Variants in BMP6 observed in about 807,000 individuals in gnomAD.
The protein encoded by BMP6 is VG-1-R.
BMP6 carries 17 observed loss-of-function variants against 54.1 expected under a neutral mutation model. The ratio of observed to expected loss-of-function variants is 0.31; its 90% CI spans 0.22 to 0.47. The LOEUF (loss-of-function observed/expected upper bound fraction) is 0.47. BMP6 is among the 20% of genes least tolerant of loss of function. The pLI is 1.00. For synonymous variants in BMP6, 328 were observed against 291.2 expected (o/e 1.13, Z -1.28); for missense variants, 720 against 690.4 (o/e 1.04, Z -0.48).
At chr6:7,810,392 T>C (rs974254385) in intron 1 of BMP6, among the ~76,000 whole-genome samples, 1 of 152,202 alleles carries the variant, frequency 6.6e-6, no homozygotes, top group Non-Finnish European at 1.5e-5. Flanking sequence ...TAATCTTAGC[T>C]CAAGTGACTT....
intron 1 of BMP6, among the ~76,000 whole-genome samples, chr6:7,807,913 C>CTTTT (rs755894743): frequency 1.7e-3 from 142 of 81,464 alleles, no homozygotes; most frequent in Non-Finnish European, 2.3e-3. Context: ...GAAGTCTTTA[C>CTTTT]TTTTTTTTTT....
chr6:7,835,411 T>C (rs1561786822), intron 1 of BMP6, among the ~76,000 whole-genome samples: 1 of 152,162 alleles, frequency 6.6e-6, no homozygotes, highest in Non-Finnish European at 1.5e-5. Context: ...GAATGCTGAG[T>C]CTGAAGGAAT....
chr6:7,838,941 C>CAAAA (rs778664842), intron 1 of BMP6, among the ~76,000 whole-genome samples: 8 of 59,102 alleles, frequency 1.4e-4, no homozygotes, highest in Admixed American at 3.5e-4. Context: ...GACTCTGTCT[C>CAAAA]AAAAAAAAAA....
intron 2 of BMP6, among the ~76,000 whole-genome samples, chr6:7,848,735 G>T (rs1215242079): frequency 6.6e-6 from 1 of 152,202 alleles, no homozygotes; most frequent in Non-Finnish European, 1.5e-5. Flanking sequence ...TTAAGCTTGA[G>T]TAACACATGA....
At chr6:7,850,179 G>C (rs1022253955) in intron 2 of BMP6, among the ~76,000 whole-genome samples, 18 of 152,138 alleles carry the variant, frequency 1.2e-4, no homozygotes, top group Non-Finnish European at 2.5e-4. Context: ...GTCTCGCTCT[G>C]TTGCCCATGC....
At chr6:7,731,715 T>C (rs1177657860) in intron 1 of BMP6, among the ~76,000 whole-genome samples, 1 of 152,274 alleles carries the variant, frequency 6.6e-6, no homozygotes, top group Non-Finnish European at 1.5e-5. Flanking sequence ...ATGTTTACAG[T>C]GAAGACATTT....
chr6:7,770,655 C>G (rs771272430), intron 1 of BMP6, among the ~76,000 whole-genome samples: 1 of 152,182 alleles, frequency 6.6e-6, no homozygotes, highest in African/African-American at 2.4e-5. Flanking sequence ...GTTTTCTGAA[C>G]CTTTTGATTC....
intron 4 of BMP6, 151 bp downstream of exon 4, chr6:7,862,649 C>G (rs889740315): frequency 1.9e-6 from 2 of 1,062,238 alleles, no homozygotes; most frequent in East Asian, 2.6e-5. Flanking sequence ...CTTGTACAGT[C>G]GCAGAACATC....
intron 2 of BMP6, among the ~76,000 whole-genome samples, chr6:7,848,054 T>C (rs1759091875): frequency 1.3e-5 from 2 of 152,188 alleles, no homozygotes; most frequent in African/African-American, 4.8e-5. Context: ...ACTGACTCCA[T>C]CTTGCTTCTA....
intron 1 of BMP6, among the ~76,000 whole-genome samples, chr6:7,777,557 G>A (rs1757879583): frequency 6.6e-6 from 1 of 152,072 alleles, no homozygotes; most frequent in South Asian, 2.1e-4. Context: ...AGAAGGAAGT[G>A]CCATGTTTCT....
chr6:7,731,351 CCTT>C (rs1226092579), intron 1 of BMP6, among the ~76,000 whole-genome samples: 2 of 152,316 alleles, frequency 1.3e-5, no homozygotes, highest in East Asian at 3.9e-4. Flanking sequence ...CTAAGAGAGA[CCTT>C]CTCTGCCACT....
intron 1 of BMP6, among the ~76,000 whole-genome samples, chr6:7,824,113 A>T (rs898383046): frequency 1.3e-5 from 2 of 152,112 alleles, no homozygotes; most frequent in Non-Finnish European, 2.9e-5. Context: ...TGGTGAGCAG[A>T]TTGGGTACTG....
chr6:7,732,651 A>G (rs537450837), intron 1 of BMP6, among the ~76,000 whole-genome samples: 2 of 152,008 alleles, frequency 1.3e-5, no homozygotes, highest in East Asian at 1.9e-4. Flanking sequence ...TTACTTGACT[A>G]TGAATACTGG....
Position 7,874,218 on chromosome 6 carries a change from C to T in BMP6, c.1205-4856C>T, listed in dbSNP as rs532813634. 9.2e-5 allele frequency among the ~76,000 whole-genome samples: 14 copies of T among 152,266 alleles called. No homozygotes were observed. In the South Asian group the frequency reaches 1.5e-3, roughly 16 times the overall value. On this transcript the variant is annotated intron_variant, in intron 4 of 6. Transcript: ENST00000283147. ...CTTCCCCACATTCATGGGCAGAATC[C>T]AGGCACATGGCCACAGCTAACTGCA... is the stretch of plus-strand genomic sequence containing the variant.
At chr6:7,806,449 T>A (rs531491372) in intron 1 of BMP6, among the ~76,000 whole-genome samples, 1 of 152,344 alleles carries the variant, frequency 6.6e-6, no homozygotes, top group East Asian at 1.9e-4. Flanking sequence ...ATGTGTAAAT[T>A]GCTAAACTTT....
intron 1 of BMP6, among the ~76,000 whole-genome samples, chr6:7,771,736 C>T (rs1214746926): frequency 2.0e-5 from 3 of 152,098 alleles, no homozygotes; most frequent in Non-Finnish European, 4.4e-5. Context: ...CCCAAAACTG[C>T]GCATCAGCCA....
intron 1 of BMP6, among the ~76,000 whole-genome samples, chr6:7,757,423 A>G (rs1757535275): frequency 6.6e-6 from 1 of 152,140 alleles, no homozygotes; most frequent in South Asian, 2.1e-4. Flanking sequence ...ATCATAGGAC[A>G]TTCTCCCTAT....
chr6:7,861,395 T>G, intron 2 of BMP6, 56 bp from the exon 3 acceptor site: 1 of 1,590,514 alleles, frequency 6.3e-7, no homozygotes, highest in Non-Finnish European at 8.6e-7. Flanking sequence ...CAGGAAAGAG[T>G]GGGAAGGAGC....
At position 7,750,145 on chromosome 6, in the gene BMP6, A is replaced by G. The variant is rs187390152; in HGVS notation, c.664+22526A>G. On this transcript the variant is annotated intron_variant, in intron 1 of 6. Coordinates refer to ENST00000283147, the MANE Select transcript of BMP6 (RefSeq NM_001718.6). Reference sequence around the variant, plus strand: ...TGTAGATCTACATCAACATTGAAACATTCAACGTCAACATTTGAGCGTGCT... The same window carrying G: ...TGTAGATCTACATCAACATTGAAACGTTCAACGTCAACATTTGAGCGTGCT... Among the ~76,000 whole-genome samples, 4 of 152,356 alleles carry G rather than the reference A, an allele frequency of 2.6e-5. No homozygotes were observed. The East Asian group carries it at 7.7e-4, about 29-fold the overall frequency.
Sources: gnomAD v4.1 joint callset for allele counts (sites outside exome capture counted in the v4.1 genomes callset) on GRCh38, gnomAD v4.1.1 for gene constraint, MANE v1.5 for transcripts, NCBI Gene and HGNC (gene_info 2026-07-23, HGNC 2026-07-21) for gene names.